Variants in PLCB1 observed in about 807,000 individuals in gnomAD.
PLCB1 encodes 1-phosphatidylinositol 4,5-bisphosphate phosphodiesterase beta-1.
Under a neutral mutation model 161.8 loss-of-function variants are expected in PLCB1, and 46 were observed. The observed-to-expected ratio is 0.28, with a 90% confidence interval of 0.22 to 0.36. The LOEUF (loss-of-function observed/expected upper bound fraction) is 0.36, where lower values mean the gene tolerates loss of function less well. PLCB1 is among the 10% of genes least tolerant of loss of function. The pLI is 1.00. For missense variants in PLCB1, 1,016 were observed against 1,472.5 expected (o/e 0.69, Z 5.07); for synonymous variants, 517 against 503.7 (o/e 1.03, Z -0.35).
chr20:8,288,556 T>C (rs192832730), intron 2 of PLCB1, among the ~76,000 whole-genome samples: 1 of 152,332 alleles, frequency 6.6e-6, no homozygotes, highest in Non-Finnish European at 1.5e-5. Context: ...AGAGCTGTCC[T>C]GCAGAATGTC....
At chr20:8,847,532 C>T (rs1300171361) in intron 31 of PLCB1, among the ~76,000 whole-genome samples, 1 of 152,132 alleles carries the variant, frequency 6.6e-6, no homozygotes, top group Admixed American at 6.5e-5. Flanking sequence ...TTTCTGACAC[C>T]AATCTCTTCT....
At chr20:8,570,794 G>A (rs181351614) in intron 3 of PLCB1, among the ~76,000 whole-genome samples, 1 of 152,322 alleles carries the variant, frequency 6.6e-6, no homozygotes, top group Admixed American at 6.5e-5. Context: ...GCCAGTTGGA[G>A]TAACCAGGTG....
chr20:8,610,723 ATTTATCTATAT>A (rs1987883304), intron 3 of PLCB1, among the ~76,000 whole-genome samples: 1 of 152,048 alleles, frequency 6.6e-6, no homozygotes, highest in African/African-American at 2.4e-5. Context: ...ATAAAGTTCA[ATTTATCTATAT>A]TTTATTTTGT....
intron 31 of PLCB1, among the ~76,000 whole-genome samples, chr20:8,805,509 A>C (rs1402023289): frequency 1.3e-5 from 2 of 152,260 alleles, no homozygotes; most frequent in African/African-American, 2.4e-5. Flanking sequence ...CTTTGAAATA[A>C]TAAAGGTCAG....
intron 9 of PLCB1, among the ~76,000 whole-genome samples, chr20:8,676,098 G>A (rs879520316): frequency 2.1e-4 from 32 of 152,362 alleles, no homozygotes; most frequent in South Asian, 2.1e-3. Context: ...GGCCGGGCGC[G>A]GCGGCTCCCG....
intron 3 of PLCB1, among the ~76,000 whole-genome samples, chr20:8,446,502 A>T (rs1980835556): frequency 6.6e-6 from 1 of 152,232 alleles, no homozygotes; most frequent in Non-Finnish European, 1.5e-5. Flanking sequence ...CTGGCACAAG[A>T]CAGGGATGCC....
At chr20:8,818,715 G>A (rs1163687351) in intron 31 of PLCB1, among the ~76,000 whole-genome samples, 3 of 152,058 alleles carry the variant, frequency 2.0e-5, no homozygotes, top group Non-Finnish European at 4.4e-5. Context: ...ACATGCTTAT[G>A]AATTGGAAGA....
intron 10 of PLCB1, among the ~76,000 whole-genome samples, chr20:8,691,547 C>T (rs889349856): frequency 1.3e-5 from 2 of 152,144 alleles, no homozygotes; most frequent in East Asian, 1.9e-4. Context: ...CTCCTTGTCA[C>T]CACCCAACTT....
chr20:8,870,013 A>C (rs554232734), intron 31 of PLCB1, among the ~76,000 whole-genome samples: 1 of 152,362 alleles, frequency 6.6e-6, no homozygotes, highest in South Asian at 2.1e-4. Flanking sequence ...AAGCCTCTGC[A>C]TAGGCCATGC....
chr20:8,587,913 A>G (rs1987038709), intron 3 of PLCB1, among the ~76,000 whole-genome samples: 1 of 152,184 alleles, frequency 6.6e-6, no homozygotes, highest in Non-Finnish European at 1.5e-5. Context: ...GAGGTGACTT[A>G]CCAGGCCACT....
rs74827056 is a variant in PLCB1 at position 8,586,006 on chromosome 20, G to A, written c.247-42288G>A. On this transcript the variant is annotated intron_variant, in intron 3 of 31. Transcript: ENST00000338037. ...GAATTCCAATCTACTCCAGTGCCCA[G>A]CTCATTACCCCAGATTCAATAAATG... Among the ~76,000 whole-genome samples the A allele has an allele frequency of 2.4e-3, 367 of 152,274 alleles. 2 individuals are homozygous for A. The highest frequency in any genetic ancestry group is 8.6e-3 in the African/African-American group (356 of 41,558).
chr20:8,257,229 T>A (rs1981470413), intron 2 of PLCB1, among the ~76,000 whole-genome samples: 1 of 152,158 alleles, frequency 6.6e-6, no homozygotes, highest in African/African-American at 2.4e-5. Flanking sequence ...GTAAGATGAA[T>A]GTAATCTCCT....
At position 8,760,505 on chromosome 20, in the gene PLCB1, T is replaced by G. The variant is rs766514483; in HGVS notation, c.2710+45T>G. Reference sequence around the variant, plus strand: ...CCCATGGAATTAAGCAGCTCAGTGTTACACAGTGGAAGTATTTAGAGGAGA... The same window carrying G: ...CCCATGGAATTAAGCAGCTCAGTGTGACACAGTGGAAGTATTTAGAGGAGA... On this transcript the variant is annotated intron_variant, in intron 25 of 31. Transcript: ENST00000338037. The G allele has an allele frequency of 6.0e-6, 8 of 1,327,576 alleles. No individual in the cohort carries two copies. In the South Asian group the frequency reaches 9.9e-5, roughly 16 times the overall value. 82.2% of individuals were successfully genotyped at this position (1,327,576 alleles called of 1,614,324 possible).
intron 3 of PLCB1, among the ~76,000 whole-genome samples, chr20:8,613,858 T>C (rs1987971481): frequency 1.3e-5 from 2 of 151,928 alleles, no homozygotes; most frequent in Admixed American, 1.3e-4. Context: ...AAAATATTGA[T>C]AGAACCAAAT....
intron 3 of PLCB1, among the ~76,000 whole-genome samples, chr20:8,456,045 C>G (rs1019531041): frequency 1.3e-5 from 2 of 152,136 alleles, no homozygotes; most frequent in Admixed American, 1.3e-4. Flanking sequence ...TGCTTGGATG[C>G]TTGATACAGA....
At chr20:8,723,823 C>G (rs756630417) in intron 15 of PLCB1, among the ~76,000 whole-genome samples, 2 of 152,012 alleles carry the variant, frequency 1.3e-5, no homozygotes, top group Non-Finnish European at 2.9e-5. Flanking sequence ...CTATGCTTTC[C>G]TGCTTGTCTA....
chr20:8,692,007 C>T (rs546187797), intron 10 of PLCB1, among the ~76,000 whole-genome samples: 2 of 152,138 alleles, frequency 1.3e-5, no homozygotes, highest in Non-Finnish European at 2.9e-5. Flanking sequence ...TCTTCATAAA[C>T]CTTCCCATAC....
intron 3 of PLCB1, among the ~76,000 whole-genome samples, chr20:8,521,523 G>A (rs1218392143): frequency 6.6e-6 from 1 of 152,076 alleles, no homozygotes; most frequent in African/African-American, 2.4e-5. Context: ...GGGCAACATG[G>A]AGAAAACCAG....
chr20:8,652,586 A>C (rs905269792), intron 7 of PLCB1: 5 of 152,118 alleles, frequency 3.3e-5, no homozygotes, highest in African/African-American at 7.2e-5. Flanking sequence ...ACGGAAGAAA[A>C]GGGTTATATA....
Sources: gnomAD v4.1 joint callset for allele counts (sites outside exome capture counted in the v4.1 genomes callset) on GRCh38, gnomAD v4.1.1 for gene constraint, MANE v1.5 for transcripts, NCBI Gene and HGNC (gene_info 2026-07-23, HGNC 2026-07-21) for gene names.